The following LRP1B variants were observed in gnomAD, a reference collection of about 807,000 sequenced individuals.
LRP1B encodes the protein LDL receptor related protein 1B, also known as low-density lipoprotein receptor-related protein 1B.
Under a neutral mutation model 556.6 loss-of-function variants are expected in LRP1B, and 217 were observed. The observed-to-expected ratio is 0.39, with a 90% CI of 0.35 to 0.44. The LOEUF (loss-of-function observed/expected upper bound fraction) is 0.44, where lower values mean the gene tolerates loss of function less well. LRP1B is among the 20% of genes least tolerant of loss of function. The pLI, the probability that LRP1B is intolerant of heterozygous loss-of-function variation, is 1.00. For synonymous variants in LRP1B, 2,047 were observed against 1,865.8 expected (o/e 1.10, Z -2.50); for missense variants, 5,053 against 5,620.8 (o/e 0.90, Z 3.23).
intron 35 of LRP1B, among the ~76,000 whole-genome samples, chr2:140,752,172 C>T (rs560402105): frequency 2.7e-4 from 41 of 151,880 alleles, no homozygotes; most frequent in Non-Finnish European, 5.0e-4. Flanking sequence ...AAAATTAGCT[C>T]GGCGTGGTGG....
At chr2:140,990,727 A>G (rs1054539901) in intron 16 of LRP1B, among the ~76,000 whole-genome samples, 4 of 152,112 alleles carry the variant, frequency 2.6e-5, no homozygotes, top group Non-Finnish European at 5.9e-5. Flanking sequence ...TTAACCTTCT[A>G]TGATTATTTT....
intron 2 of LRP1B, among the ~76,000 whole-genome samples, chr2:141,556,996 AAAT>A (rs1189978289): frequency 6.6e-6 from 1 of 151,838 alleles, no homozygotes; most frequent in Non-Finnish European, 1.5e-5. Context: ...GATTGGATGT[AAAT>A]AATATTTACA....
At chr2:141,796,033 ATAG>A (rs1009133440) in intron 2 of LRP1B, among the ~76,000 whole-genome samples, 5 of 151,082 alleles carry the variant, frequency 3.3e-5, no homozygotes, top group African/African-American at 1.2e-4. Context: ...CAGCTACTTA[ATAG>A]TATATTATTG....
chr2:141,867,930 C>G (rs951345672), intron 1 of LRP1B, among the ~76,000 whole-genome samples: 1 of 152,062 alleles, frequency 6.6e-6, no homozygotes, highest in Non-Finnish European at 1.5e-5. Context: ...ATTTGGACAT[C>G]CTTGGGCTTG....
At chr2:141,213,560 C>G (rs574828744) in intron 6 of LRP1B, among the ~76,000 whole-genome samples, 1 of 152,302 alleles carries the variant, frequency 6.6e-6, no homozygotes, top group Admixed American at 6.5e-5. Flanking sequence ...AAAACCCACA[C>G]AGACATGAGA....
intron 1 of LRP1B, among the ~76,000 whole-genome samples, chr2:142,007,430 G>A (rs1161050081): frequency 6.6e-6 from 1 of 152,116 alleles, no homozygotes; most frequent in African/African-American, 2.4e-5. Flanking sequence ...CATTTGTATA[G>A]GTATACTGAC....
chr2:141,083,940 T>C (rs992179983), intron 7 of LRP1B, among the ~76,000 whole-genome samples: 5 of 152,232 alleles, frequency 3.3e-5, no homozygotes, highest in Non-Finnish European at 5.9e-5. Context: ...GAAAATGAAC[T>C]AAGATAACTA....
chr2:140,313,739 A>G (rs910437145), intron 83 of LRP1B, among the ~76,000 whole-genome samples: 3 of 152,048 alleles, frequency 2.0e-5, no homozygotes, highest in East Asian at 1.9e-4. Context: ...TCTTATTTGT[A>G]TATTCAATAA....
intron 83 of LRP1B, among the ~76,000 whole-genome samples, chr2:140,306,034 G>A (rs1684049279): frequency 6.9e-6 from 1 of 144,330 alleles, no homozygotes; most frequent in Non-Finnish European, 1.6e-5. Flanking sequence ...GCTTTTTGAT[G>A]TGCTGCTGGA....
chr2:141,331,710 C>A (rs1687664544), intron 3 of LRP1B, among the ~76,000 whole-genome samples: 1 of 152,140 alleles, frequency 6.6e-6, no homozygotes, highest in African/African-American at 2.4e-5. Flanking sequence ...AGGGAGCATT[C>A]TTTGTACTGT....
At chr2:140,265,640 A>C (rs930436575) in intron 86 of LRP1B, among the ~76,000 whole-genome samples, 2 of 152,090 alleles carry the variant, frequency 1.3e-5, no homozygotes, top group Non-Finnish European at 2.9e-5. Context: ...TATATTACCA[A>C]CAAAAATAAA....
chr2:140,354,714 A>G (rs1558824302), intron 75 of LRP1B, among the ~76,000 whole-genome samples: 1 of 151,912 alleles, frequency 6.6e-6, no homozygotes, highest in Non-Finnish European at 1.5e-5. Flanking sequence ...GAAAGCCTGG[A>G]TCATGAGCTT....
rs140529433 is a variant in LRP1B at position 141,243,017 on chromosome 2, T to C, written c.592+4209A>G. 1.6e-3 allele frequency among the ~76,000 whole-genome samples: 247 copies of C among 152,258 alleles called. 1 individual carries two copies. The highest frequency in any genetic ancestry group is 5.5e-3 in the African/African-American group (229 of 41,582). On this transcript the variant is annotated intron_variant, in intron 5 of 90. Coordinates refer to ENST00000389484, the MANE Select transcript of LRP1B (RefSeq NM_018557.3). ...TTAAAAGAAAGTCAAATTTTAAAAA[T>C]GTTTTTATTTTCATATTTGACAAGT...
chr2:141,685,386 A>T (rs1200987115), intron 2 of LRP1B, among the ~76,000 whole-genome samples: 1 of 152,012 alleles, frequency 6.6e-6, no homozygotes, highest in Admixed American at 6.6e-5. Context: ...TTGGATTGAG[A>T]TTTTTGCAAA....
intron 2 of LRP1B, among the ~76,000 whole-genome samples, chr2:141,684,729 G>C (rs140400220): frequency 1.3e-5 from 2 of 152,166 alleles, no homozygotes; most frequent in African/African-American, 4.8e-5. Flanking sequence ...CTCTTTGGAG[G>C]GGCCTCTTGA....
At chr2:141,384,802 A>G (rs576783084) in intron 3 of LRP1B, among the ~76,000 whole-genome samples, 1 of 152,272 alleles carries the variant, frequency 6.6e-6, no homozygotes, top group South Asian at 2.1e-4. Context: ...TGCTTGAGGA[A>G]ATTCACAGAA....
intron 2 of LRP1B, among the ~76,000 whole-genome samples, chr2:141,619,285 T>C (rs747710341): frequency 7.2e-5 from 11 of 152,238 alleles, no homozygotes; most frequent in Non-Finnish European, 1.5e-4. Context: ...TTCATTTTCA[T>C]GTTTTACATA....
intron 11 of LRP1B, among the ~76,000 whole-genome samples, chr2:141,031,800 A>T (rs555230885): frequency 2.6e-5 from 4 of 152,084 alleles, no homozygotes; most frequent in Middle Eastern, 3.4e-3. Flanking sequence ...CAAAAGACAA[A>T]CTAAAATAAA....
At chr2:140,753,891 T>G (rs1036611258) in intron 35 of LRP1B, among the ~76,000 whole-genome samples, 19 of 152,130 alleles carry the variant, frequency 1.2e-4, no homozygotes, top group African/African-American at 4.3e-4. Flanking sequence ...AAGAGCTCCC[T>G]TCCTCCACCC....
Sources: allele counts gnomAD v4.1 joint callset (sites outside exome capture counted in the v4.1 genomes callset), GRCh38; gene constraint gnomAD v4.1.1; transcripts MANE v1.5; gene names NCBI Gene and HGNC (gene_info 2026-07-23, HGNC 2026-07-21).